Variants in MIA2 observed in about 807,000 individuals in gnomAD.
MIA2 encodes MIA SH3 domain ER export factor 2.
A neutral mutation model predicts 167.8 loss-of-function variants in MIA2; 127 were observed. That is an observed-to-expected ratio of 0.76 (90% CI 0.66 to 0.88). The LOEUF is 0.88. Ranked by LOEUF, MIA2 falls within the 40% of genes least tolerant of loss-of-function variation. The probability of loss-of-function intolerance (pLI) is 0.00; values close to 1 mark genes in which losing one functional copy is unlikely to be tolerated. For synonymous variants in MIA2, 552 were observed against 541.9 expected, an observed-to-expected ratio of 1.02 and a Z score of -0.26; for missense variants, 1,690 against 1,624.7, an observed-to-expected ratio of 1.04 and a Z score of -0.69.
Position 39,326,955 on chromosome 14 carries a change from T to G in MIA2, c.3588T>G (p.Ala1196=). 6.3e-7 allele frequency: 1 copy of G among 1,588,412 alleles called. No individual in the cohort carries two copies. The highest frequency in any genetic ancestry group is 8.6e-7 in the Non-Finnish European group (1 of 1,169,052). The change falls in exon 25 of 29, where the codon GCT becomes GCG. Residue 1196 remains alanine, a synonymous_variant. Coordinates refer to ENST00000640607, the MANE Select transcript of MIA2 (RefSeq NM_001329214.4). ...ATAGGTTAACCGATCCTCATAGGGC[T>G]CCCTCTGACACTGGGTCTCTGTCAC... The part of the protein sequence containing the change: ...SCDRLTDPHR[A]PSDTGSLSPP...
chr14:39,294,832 C>T, intron 12 of MIA2, 93 bp from the exon 13 acceptor site: 1 of 844,664 alleles, frequency 1.2e-6, no homozygotes, highest in East Asian at 2.5e-5. Context: ...ATGGTTTTGC[C>T]TTTGTTTAAT....
intron 17 of MIA2, among the ~76,000 whole-genome samples, chr14:39,306,605 A>G (rs977028053): frequency 3.9e-5 from 6 of 152,188 alleles, no homozygotes; most frequent in East Asian, 1.9e-4. Flanking sequence ...TGAAAGTTGG[A>G]TGGGGACACA....
At position 39,247,198 on chromosome 14, in the gene MIA2, T is replaced by C; in HGVS notation, c.624T>C (p.Arg208=). 5.0e-6 allele frequency: 8 copies of C among 1,614,144 alleles called. No individual in the cohort carries two copies. The highest frequency in any genetic ancestry group is 6.8e-6 in the Non-Finnish European group (8 of 1,180,026). Residue 208 remains arginine, a synonymous_variant, in exon 4 of 29, where the codon CGT becomes CGC. Transcript: ENST00000640607. ...EVVVESMEQD[R]IPEVHVPPSS... ...TTGTTGAAAGTATGGAACAGGATCG[T>C]ATTCCAGAAGTGCATGTCCCACCAT...
At chr14:39,237,097 C>T (rs1351539653) in intron 2 of MIA2, 42 bp downstream of exon 2, 1 of 1,595,916 alleles carries the variant, frequency 6.3e-7, no homozygotes, top group Non-Finnish European at 8.5e-7. Flanking sequence ...AATAAATGAC[C>T]AACTTGCACA....
rs149567376 is a variant in MIA2 at position 39,345,859 on chromosome 14, T to C, written c.3656-45T>C. 5.8e-5 allele frequency: 89 copies of C among 1,536,262 alleles called. No homozygotes were observed. In the African/African-American group the frequency reaches 1.0e-3, roughly 18 times the overall value. ...ATACGTTAAACTTAAGTAAACTTGATTTATATTTACATTAATGAAGACATT... is the reference window on the plus strand; with the variant it reads ...ATACGTTAAACTTAAGTAAACTTGACTTATATTTACATTAATGAAGACATT... On this transcript the variant is annotated intron_variant, in intron 25 of 28. Coordinates refer to ENST00000640607, the MANE Select transcript of MIA2 (RefSeq NM_001329214.4).
intron 23 of MIA2, among the ~76,000 whole-genome samples, chr14:39,366,996 G>C (rs1382775693): frequency 1.3e-5 from 2 of 152,214 alleles, no homozygotes; most frequent in Non-Finnish European, 2.9e-5. Context: ...GCGCACGCTT[G>C]GGTCCCTGGT....
intron 23 of MIA2, among the ~76,000 whole-genome samples, chr14:39,320,618 C>T (rs565532028): frequency 1.3e-5 from 2 of 152,272 alleles, no homozygotes; most frequent in South Asian, 4.1e-4. Context: ...CTTTATGCTC[C>T]TATAACTCTA....
rs1457951022 is a variant in MIA2 at position 39,253,260 on chromosome 14, C to T, written c.1887+89C>T. ...ACAAAATATGTTTGAATGAATCCTCCCTGTTTAATGTTTATATAATGTTTC... is the reference window on the plus strand; with the variant it reads ...ACAAAATATGTTTGAATGAATCCTCTCTGTTTAATGTTTATATAATGTTTC... On this transcript the variant is annotated intron_variant, in intron 6 of 28. Transcript: ENST00000640607. The T allele has an allele frequency of 4.0e-6, 6 of 1,503,534 alleles. No individual in the cohort carries two copies. In the African/African-American group the frequency reaches 8.3e-5, roughly 21 times the overall value. 93.1% of individuals were successfully genotyped at this position (1,503,534 alleles called of 1,614,324 possible). A position where few individuals can be genotyped will look rare whatever the true frequency, so the allele number is the denominator to read the frequency against.
intron 6 of MIA2, among the ~76,000 whole-genome samples, chr14:39,256,562 G>A (rs1377108920): frequency 6.6e-6 from 1 of 151,750 alleles, no homozygotes; most frequent in Non-Finnish European, 1.5e-5. Context: ...AAAAGCAATG[G>A]AAAATTAAAG....
Position 39,350,081 on chromosome 14 carries a change from C to T in MIA2, c.4073-17C>T, listed in dbSNP as rs1595916995. 9.2e-7 allele frequency: 1 copy of T among 1,083,234 alleles called. No homozygotes were observed. The highest frequency in any genetic ancestry group is 1.3e-6 in the Non-Finnish European group (1 of 749,046). 67.1% of individuals were successfully genotyped at this position (1,083,234 alleles called of 1,614,324 possible). A position where few individuals can be genotyped will look rare whatever the true frequency, so the allele number is the denominator to read the frequency against. ...TCTTAAAGTTAAAAAATGTCTTTTA[C>T]CAATCTCTTTGAACAGTGAGAAATG... On this transcript the variant is annotated splice_polypyrimidine_tract_variant and intron_variant, in intron 28 of 28. Coordinates refer to ENST00000640607, the MANE Select transcript of MIA2 (RefSeq NM_001329214.4).
chr14:39,315,871 A>G (rs1287134058), intron 21 of MIA2, among the ~76,000 whole-genome samples, 153 bp downstream of exon 21: 1 of 152,196 alleles, frequency 6.6e-6, no homozygotes, highest in Non-Finnish European at 1.5e-5. Flanking sequence ...TTCCTTGTGA[A>G]CTAGTTTGTT....
chr14:39,247,487 CA>C lies in MIA2; in HGVS notation c.915del (p.Gln305HisfsTer14), dbSNP rs750304819. 1.9e-5 allele frequency: 30 copies of C among 1,613,756 alleles called. No homozygotes were observed. The highest frequency in any genetic ancestry group is 4.2e-6 in the Non-Finnish European group (5 of 1,179,934). ...TGAGTCAGAGCACATTCCCAAACCT[CA>C]ATCCACTGGTTGGTTTGGTGGAGGA... is the stretch of plus-strand genomic sequence containing the variant. ...ASESEHIPKP[Q>X]STGWFGGGFT... On this transcript the variant is annotated frameshift_variant, in exon 4 of 29. Coordinates refer to ENST00000640607, the MANE Select transcript of MIA2 (RefSeq NM_001329214.4). LOFTEE classifies it high-confidence loss of function.
intron 6 of MIA2, chr14:39,265,360 C>T (rs2055426762): frequency 6.4e-7 from 1 of 1,568,104 alleles, no homozygotes; most frequent in African/African-American, 1.4e-5. Context: ...ACTTTATTTA[C>T]ATGTTAGGAA....
At chr14:39,346,264 G>A (rs987718653) in intron 26 of MIA2, among the ~76,000 whole-genome samples, 1 of 152,128 alleles carries the variant, frequency 6.6e-6, no homozygotes, top group African/African-American at 2.4e-5. Flanking sequence ...ATATACCTAT[G>A]ATGATAAATT....
At chr14:39,321,935 T>C (rs919248623) in intron 24 of MIA2, among the ~76,000 whole-genome samples, 2 of 151,942 alleles carry the variant, frequency 1.3e-5, no homozygotes, top group African/African-American at 2.4e-5. Context: ...TAATTTTTTT[T>C]TGTATTTTTA....
chr14:39,250,751 A>T (rs913082274), intron 4 of MIA2, among the ~76,000 whole-genome samples: 1 of 149,488 alleles, frequency 6.7e-6, no homozygotes, highest in East Asian at 1.9e-4. Flanking sequence ...TTATCATTTT[A>T]TATAGAGATA....
chr14:39,313,719 T>C (rs538542116), intron 19 of MIA2, among the ~76,000 whole-genome samples: 3 of 152,306 alleles, frequency 2.0e-5, no homozygotes, highest in East Asian at 3.9e-4. Context: ...TTCTATTTTA[T>C]GTTAGTGTCA....
chr14:39,285,219 A>T (rs1248745603), intron 9 of MIA2, among the ~76,000 whole-genome samples: 4 of 151,980 alleles, frequency 2.6e-5, no homozygotes, highest in Non-Finnish European at 5.9e-5. Context: ...TTTCTATTCC[A>T]CAAAACCGCC....
At chr14:39,306,606 TG>T (rs1645271217) in intron 17 of MIA2, among the ~76,000 whole-genome samples, 1 of 152,172 alleles carries the variant, frequency 6.6e-6, no homozygotes. Flanking sequence ...GAAAGTTGGA[TG>T]GGGACACAAA....
Sources: gnomAD v4.1 joint callset for allele counts (sites outside exome capture counted in the v4.1 genomes callset) on GRCh38, gnomAD v4.1.1 for gene constraint, MANE v1.5 for transcripts, NCBI Gene and HGNC (gene_info 2026-07-23, HGNC 2026-07-21) for gene names.